Variants in FRMD4B observed in about 807,000 individuals in gnomAD.
FRMD4B encodes FERM domain containing 4B.
FRMD4B carries 74 observed loss-of-function variants against 141.5 expected under a neutral mutation model. That is an observed-to-expected ratio of 0.52 (90% confidence interval 0.43 to 0.63). The LOEUF is 0.63. Among genes scored for constraint, FRMD4B ranks in the 30% least tolerant of loss-of-function variants. The probability of loss-of-function intolerance (pLI) is 0.00; values close to 1 mark genes in which losing one functional copy is unlikely to be tolerated. For synonymous variants in FRMD4B, 506 were observed against 467.9 expected (o/e 1.08, Z -1.05); for missense variants, 1,366 against 1,253.4 (o/e 1.09, Z -1.36).
chr3:69,171,486 T>A lies in FRMD4B; in HGVS notation c.*375A>T, dbSNP rs2092585981. 5.7e-6 allele frequency: 1 copy of A among 176,514 alleles called. No homozygotes were observed. The highest frequency in any genetic ancestry group is 1.2e-5 in the Non-Finnish European group (1 of 83,974). 10.9% of individuals were successfully genotyped at this position (176,514 alleles called of 1,614,324 possible). A position where few individuals can be genotyped will look rare whatever the true frequency, so the allele number is the denominator to read the frequency against. On this transcript the variant is annotated 3_prime_UTR_variant, in exon 23 of 23. Coordinates refer to ENST00000398540, the MANE Select transcript of FRMD4B (RefSeq NM_015123.3). ...CTGAATTGTGCTCTGAGATTTCCCC[T>A]GTTCTTATTGCCATGGGACATCCTG...
intron 3 of FRMD4B, among the ~76,000 whole-genome samples, chr3:69,309,304 A>ATT (rs11388064): frequency 0.049 from 6,660 of 136,690 alleles, 530 homozygotes; most frequent in African/African-American, 0.16. Context: ...CTGATTTTTA[A>ATT]TTTTTTTTTT....
chr3:69,320,714 CA>C (rs1415941586), intron 1 of FRMD4B, among the ~76,000 whole-genome samples: 4 of 152,196 alleles, frequency 2.6e-5, no homozygotes, highest in Non-Finnish European at 5.9e-5. Flanking sequence ...TACCTAGTGG[CA>C]GCTAATAGCA....
chr3:69,375,788 G>A (rs1261027200), intron 1 of FRMD4B, among the ~76,000 whole-genome samples: 1 of 152,088 alleles, frequency 6.6e-6, no homozygotes, highest in Non-Finnish European at 1.5e-5. Flanking sequence ...ATAAAATGGG[G>A]TTCATAATAT....
intron 1 of FRMD4B, among the ~76,000 whole-genome samples, chr3:69,335,533 G>A (rs1199688369): frequency 2.0e-5 from 3 of 151,784 alleles, no homozygotes; most frequent in Admixed American, 1.3e-4. Flanking sequence ...CACCATGCCT[G>A]GCTAATTTTT....
intron 1 of FRMD4B, among the ~76,000 whole-genome samples, chr3:69,491,088 T>C (rs1301082357): frequency 6.6e-6 from 1 of 151,944 alleles, no homozygotes. Flanking sequence ...TCAGGAAAGA[T>C]CAATAGGAGG....
chr3:69,368,103 T>C (rs1347660404), intron 1 of FRMD4B, among the ~76,000 whole-genome samples: 1 of 152,242 alleles, frequency 6.6e-6, no homozygotes, highest in Non-Finnish European at 1.5e-5. Context: ...CTATAATTTA[T>C]TGAGTTCTTT....
intron 1 of FRMD4B, among the ~76,000 whole-genome samples, chr3:69,499,515 C>A (rs986349607): frequency 3.3e-5 from 5 of 152,152 alleles, no homozygotes; most frequent in African/African-American, 9.7e-5. Context: ...AATGATAAAA[C>A]AGAAACAAGG....
At chr3:69,276,960 T>C (rs1185539753) in intron 5 of FRMD4B, among the ~76,000 whole-genome samples, 1 of 152,048 alleles carries the variant, frequency 6.6e-6, no homozygotes, top group Non-Finnish European at 1.5e-5. Flanking sequence ...ACAAAAAGAT[T>C]CCAAGGGTAT....
chr3:69,369,691 G>C (rs796791643), intron 1 of FRMD4B, among the ~76,000 whole-genome samples: 5 of 150,740 alleles, frequency 3.3e-5, no homozygotes, highest in African/African-American at 9.8e-5. Context: ...TCAATACCTA[G>C]AAAGTTCAAA....
chr3:69,393,787 T>C (rs1704430185), intron 2 of FRMD4B, among the ~76,000 whole-genome samples: 2 of 152,222 alleles, frequency 1.3e-5, no homozygotes, highest in African/African-American at 4.8e-5. Flanking sequence ...CAGCTTTGCT[T>C]ATATCATCAG....
At chr3:69,424,042 C>A (rs550945982) in intron 2 of FRMD4B, among the ~76,000 whole-genome samples, 1 of 152,314 alleles carries the variant, frequency 6.6e-6, no homozygotes, top group South Asian at 2.1e-4. Flanking sequence ...AGATAAGCTT[C>A]ATTCAAACAT....
intron 1 of FRMD4B, among the ~76,000 whole-genome samples, chr3:69,346,620 A>G (rs1342955562): frequency 1.3e-5 from 2 of 152,222 alleles, no homozygotes; most frequent in Non-Finnish European, 2.9e-5. Flanking sequence ...CCATCAGACT[A>G]ATAGGGGATC....
chr3:69,486,873 A>G (rs1706224144), intron 1 of FRMD4B, among the ~76,000 whole-genome samples: 3 of 152,218 alleles, frequency 2.0e-5, no homozygotes, highest in Non-Finnish European at 4.4e-5. Flanking sequence ...CTCTGTGAAG[A>G]TATGCAACTC....
intron 1 of FRMD4B, among the ~76,000 whole-genome samples, chr3:69,520,068 AAT>A (rs374712667): frequency 0.24 from 23,991 of 98,342 alleles, 4,065 homozygotes; most frequent in Non-Finnish European, 0.28. Flanking sequence ...TATATGATGG[AAT>A]ATATATATAT....
chr3:69,474,748 C>T (rs1204973418), intron 1 of FRMD4B, among the ~76,000 whole-genome samples: 1 of 152,154 alleles, frequency 6.6e-6, no homozygotes, highest in Non-Finnish European at 1.5e-5. Flanking sequence ...GTATACTAAG[C>T]ACATGCCACA....
chr3:69,371,870 T>C (rs961152504), intron 1 of FRMD4B, among the ~76,000 whole-genome samples: 1 of 152,188 alleles, frequency 6.6e-6, no homozygotes, highest in African/African-American at 2.4e-5. Context: ...TAGAATGTAA[T>C]AGGCCCTCAG....
intron 5 of FRMD4B, among the ~76,000 whole-genome samples, chr3:69,263,396 CTTTTTTTTTTTTTT>C (rs67497031): frequency 1.8e-4 from 13 of 72,922 alleles, no homozygotes. Context: ...GTTACATGCA[CTTTTTTTTTTTTTT>C]TTTTTTTTTT....
intron 1 of FRMD4B, among the ~76,000 whole-genome samples, chr3:69,341,381 T>C (rs1311036825): frequency 6.6e-6 from 1 of 152,240 alleles, no homozygotes; most frequent in Non-Finnish European, 1.5e-5. Flanking sequence ...GTGACCTTAC[T>C]CTCAACTCAA....
chr3:69,350,007 C>CA (rs1198584018), intron 1 of FRMD4B, among the ~76,000 whole-genome samples: 2 of 151,850 alleles, frequency 1.3e-5, no homozygotes, highest in East Asian at 1.9e-4. Flanking sequence ...TTCTGCACAG[C>CA]AAAAAAACTA....
Sources: gnomAD v4.1 joint callset for allele counts (sites outside exome capture counted in the v4.1 genomes callset) on GRCh38, gnomAD v4.1.1 for gene constraint, MANE v1.5 for transcripts, NCBI Gene and HGNC (gene_info 2026-07-23, HGNC 2026-07-21) for gene names.